Variants in NAA15 observed in about 807,000 individuals in gnomAD.
NAA15 encodes the protein N-alpha-acetyltransferase 15, NatA auxiliary subunit.
NAA15 carries 34 observed loss-of-function variants against 114.0 expected under a neutral mutation model. That is an observed-to-expected ratio of 0.30 (90% confidence interval 0.23 to 0.40). The LOEUF is 0.40. Among genes scored for constraint, NAA15 ranks in the 10% least tolerant of loss-of-function variants. The pLI, the probability that NAA15 is intolerant of heterozygous loss-of-function variation, is 1.00. For missense variants in NAA15, 658 were observed against 1,004.5 expected (o/e 0.66, Z 4.66); for synonymous variants, 340 against 338.0 (o/e 1.01, Z -0.06).
intron 1 of NAA15, among the ~76,000 whole-genome samples, chr4:139,325,530 G>A (rs912787275): frequency 1.3e-5 from 2 of 151,992 alleles, no homozygotes; most frequent in African/African-American, 4.8e-5. Context: ...AAAAACATAC[G>A]ATAAACAAAT....
intron 17 of NAA15, among the ~76,000 whole-genome samples, chr4:139,382,988 G>GAAAA: frequency 6.6e-6 from 1 of 152,232 alleles, no homozygotes; most frequent in African/African-American, 2.4e-5. Flanking sequence ...GAATAGTGTA[G>GAAAA]AAAAGATCAG....
intron 1 of NAA15, among the ~76,000 whole-genome samples, chr4:139,308,368 G>C (rs1746098271): frequency 6.6e-6 from 1 of 152,172 alleles, no homozygotes; most frequent in Non-Finnish European, 1.5e-5. Flanking sequence ...ATGAAATTTA[G>C]ATTAGGAATT....
In NAA15 at chr4:139,316,559, T is replaced by C. The variant is rs201461382; in HGVS notation, c.54+14728T>C. Among the ~76,000 whole-genome samples, 5 of 151,954 alleles carry C rather than the reference T, an allele frequency of 3.3e-5. No homozygotes were observed. In the East Asian group the frequency reaches 7.7e-4, roughly 23 times the overall value. On this transcript the variant is annotated intron_variant, in intron 1 of 19. Transcript: ENST00000296543. ...TTATTTAATTACTTTAAATTTGCGA[T>C]GGATATGGTGATATTACATCTTTTC...
intron 4 of NAA15, among the ~76,000 whole-genome samples, chr4:139,342,164 G>T (rs369624948): frequency 1.3e-5 from 2 of 152,010 alleles, no homozygotes; most frequent in African/African-American, 4.8e-5. Flanking sequence ...TAACTCTGTA[G>T]TTGGACACTT....
intron 16 of NAA15, among the ~76,000 whole-genome samples, chr4:139,377,494 C>T (rs1305519235): frequency 1.3e-5 from 2 of 151,440 alleles, no homozygotes; most frequent in Non-Finnish European, 2.9e-5. Context: ...GCCTAGATCA[C>T]GCCATTGCAC....
rs1355045768 is a variant in NAA15, at chr4:139,378,922, G to A, written c.2155+68G>A. ...TTGATGGTGACGGTATAAGTGGTCT[G>A]TACAAGTTTATCATAAACCAAATGA... On this transcript the variant is annotated intron_variant, in intron 17 of 19. Transcript: ENST00000296543. 6 of 971,974 alleles carry A rather than the reference G, an allele frequency of 6.2e-6. No individual in the cohort carries two copies. The East Asian group carries it at 1.7e-4, about 27-fold the overall frequency. 60.2% of individuals were successfully genotyped at this position (971,974 alleles called of 1,614,324 possible). A position where few individuals can be genotyped will look rare whatever the true frequency, so the allele number is the denominator to read the frequency against.
chr4:139,363,819 C>G lies in NAA15; in HGVS notation c.1753+1882C>G, dbSNP rs77104071. ...ATTGCCAGCTCTGAAGGTTATTGTT[C>G]TTTTACATTTTTGTATGTTGGGCAA... On this transcript the variant is annotated intron_variant, in intron 14 of 19. Coordinates refer to ENST00000296543, the MANE Select transcript of NAA15 (RefSeq NM_057175.5). Among the ~76,000 whole-genome samples the G allele has an allele frequency of 4.5e-3, 692 of 152,210 alleles. 5 individuals are homozygous for G. The highest frequency in any genetic ancestry group is 0.016 in the African/African-American group (657 of 41,526).
rs372109626 is a variant in NAA15 at position 139,365,859 on chromosome 4, A to AT, written c.1753+3922_1753+3923insT. Reference sequence around the variant, plus strand: ...GTGAGACCCTGTTTCAAAGAAAAAAAGAAAGAGAGAAAAAATATAAGGTAT... The same window carrying AT: ...GTGAGACCCTGTTTCAAAGAAAAAAATGAAAGAGAGAAAAAATATAAGGTAT... On this transcript the variant is annotated intron_variant, in intron 14 of 19. Coordinates refer to ENST00000296543, the MANE Select transcript of NAA15 (RefSeq NM_057175.5). 2.4e-3 allele frequency among the ~76,000 whole-genome samples: 370 copies of AT among 152,268 alleles called. 3 individuals carry two copies. Among genetic ancestry groups the AT allele is most frequent in the Non-Finnish European group, 4.4e-3 (302 of 68,012 alleles).
At chr4:139,368,138 TTATC>T (rs1243433599) in intron 14 of NAA15, among the ~76,000 whole-genome samples, 2 of 152,220 alleles carry the variant, frequency 1.3e-5, no homozygotes, top group Non-Finnish European at 2.9e-5. Flanking sequence ...TCTATGTTGT[TTATC>T]TATTGCTGCA....
At chr4:139,315,077 T>TCAG (rs1560953122) in intron 1 of NAA15, among the ~76,000 whole-genome samples, 2 of 147,250 alleles carry the variant, frequency 1.4e-5, no homozygotes, top group African/African-American at 5.1e-5. Context: ...TTAGTTTAGT[T>TCAG]TTTGAGACGG....
At chr4:139,361,658 T>G in intron 13 of NAA15, 66 bp from the exon 14 acceptor site, 1 of 1,009,790 alleles carries the variant, frequency 9.9e-7, no homozygotes, top group Non-Finnish European at 1.4e-6. Context: ...TTCCAATGCT[T>G]TGATTTTATA....
intron 7 of NAA15, among the ~76,000 whole-genome samples, chr4:139,350,028 A>G (rs927795923): frequency 1.3e-5 from 2 of 152,158 alleles, no homozygotes; most frequent in African/African-American, 2.4e-5. Context: ...GCAAACTTCT[A>G]TTTAATATGA....
At chr4:139,372,017 G>C (rs957549918) in intron 15 of NAA15, among the ~76,000 whole-genome samples, 2 of 152,104 alleles carry the variant, frequency 1.3e-5, no homozygotes, top group African/African-American at 4.8e-5. Flanking sequence ...CCAGGTTCAC[G>C]CCATTCTCCT....
At chr4:139,349,107 A>G (rs1747694980) in intron 6 of NAA15, among the ~76,000 whole-genome samples, 1 of 152,228 alleles carries the variant, frequency 6.6e-6, no homozygotes, top group African/African-American at 2.4e-5. Flanking sequence ...GAATTGAGTC[A>G]TTAATTTTGA....
intron 1 of NAA15, 64 bp downstream of exon 1, chr4:139,301,895 T>TA (rs1745773548): frequency 4.0e-6 from 6 of 1,518,622 alleles, no homozygotes; most frequent in Middle Eastern, 1.7e-4. Flanking sequence ...CTGTCACCCC[T>TA]AACCTCGGCC....
chr4:139,382,516 A>G (rs1008842099), intron 17 of NAA15, among the ~76,000 whole-genome samples: 1 of 152,192 alleles, frequency 6.6e-6, no homozygotes, highest in African/African-American at 2.4e-5. Flanking sequence ...TTACATGTAA[A>G]GTATCCTGAA....
At chr4:139,360,013 G>T (rs1379437294) in intron 12 of NAA15, 118 bp downstream of exon 12, 2 of 892,942 alleles carry the variant, frequency 2.2e-6, no homozygotes, top group African/African-American at 1.8e-5. Flanking sequence ...TAATAGCCAA[G>T]ATTTTAATTA....
At chr4:139,321,729 T>C (rs1221069015) in intron 1 of NAA15, among the ~76,000 whole-genome samples, 3 of 151,136 alleles carry the variant, frequency 2.0e-5, no homozygotes, top group Non-Finnish European at 4.4e-5. Flanking sequence ...ATGATCTGCC[T>C]GCCTCAGCCT....
chr4:139,339,745 A>G (rs1747321740), intron 3 of NAA15, among the ~76,000 whole-genome samples: 1 of 152,062 alleles, frequency 6.6e-6, no homozygotes, highest in Admixed American at 6.6e-5. Flanking sequence ...GCGAGACTCC[A>G]TCTCAAAAAC....
Sources: gnomAD v4.1 joint callset for allele counts (sites outside exome capture counted in the v4.1 genomes callset) on GRCh38, gnomAD v4.1.1 for gene constraint, MANE v1.5 for transcripts, NCBI Gene and HGNC (gene_info 2026-07-23, HGNC 2026-07-21) for gene names.